BBS2: variants seen among roughly 807,000 people sequenced by gnomAD.
The protein encoded by BBS2 is BBSome complex member BBS2.
Under a neutral mutation model 83.0 loss-of-function variants are expected in BBS2, and 62 were observed. The ratio of observed to expected loss-of-function variants is 0.75; its 90% CI spans 0.61 to 0.92. BBS2 has a LOEUF of 0.92. Among genes scored for constraint, BBS2 ranks in the 40% least tolerant of loss-of-function variants. BBS2 has a pLI of 0.00. For missense variants in BBS2, 784 were observed against 901.0 expected (o/e 0.87, Z 1.66); for synonymous variants, 303 against 326.1 (o/e 0.93, Z 0.76).
chr16:56,471,323 T>C (rs183090315), intron 17 of BBS2, among the ~76,000 whole-genome samples: 3 of 150,738 alleles, frequency 2.0e-5, no homozygotes, highest in Admixed American at 6.6e-5. Context: ...GATTGCACCA[T>C]TGCACTCCAG....
chr16:56,484,868 C>A lies in BBS2; in HGVS notation c.2060-1G>T, dbSNP rs1555520142. 3.7e-6 allele frequency: 6 copies of A among 1,612,616 alleles called. No individual in the cohort carries two copies. Among genetic ancestry groups the A allele is most frequent in the Non-Finnish European group, 4.2e-6 (5 of 1,178,710 alleles). ...ATCACCTGGTTCTTTGGTTTTCCAA[C>A]TGCATAAGAAGAAACATCAGGAACC... On this transcript the variant is annotated splice_acceptor_variant, in intron 16 of 16. Coordinates refer to ENST00000245157, the MANE Select transcript of BBS2 (RefSeq NM_031885.5). LOFTEE classifies it high-confidence loss of function.
chr16:56,517,389 C>T (rs1964781553), intron 1 of BBS2, among the ~76,000 whole-genome samples: 1 of 152,218 alleles, frequency 6.6e-6, no homozygotes, highest in African/African-American at 2.4e-5. Context: ...ACACACCATG[C>T]ATATCTCCAG....
intron 17 of BBS2, among the ~76,000 whole-genome samples, chr16:56,471,686 G>A (rs1596986007): frequency 6.6e-6 from 1 of 152,302 alleles, no homozygotes; most frequent in South Asian, 2.1e-4. Context: ...AAAATCAGTG[G>A]TTTGAGATGC....
At position 56,511,176 on chromosome 16, in the gene BBS2, T is replaced by C. The variant is rs1964566511; in HGVS notation, c.454A>G (p.Ser152Gly). ...CTTCATACCGTCCAAAAGAGATCAC[T>C]TCCTTCATGATTGAAACCTTGCAGA... ...CALQGFNHEG[S>G]DLFWTVTGDN... The change falls in exon 3 of 17, where the codon AGT (serine) becomes GGT (glycine). Residue 152 changes from serine (S) to glycine (G), a missense_variant. Coordinates refer to ENST00000245157, the MANE Select transcript of BBS2 (RefSeq NM_031885.5). 1 of 1,614,124 alleles carries C rather than the reference T, an allele frequency of 6.2e-7. No individual in the cohort carries two copies. The highest frequency in any genetic ancestry group is 2.2e-5 in the East Asian group (1 of 44,860).
At chr16:56,483,866 A>ATTTT (rs559241597), downstream of BBS2, among the ~76,000 whole-genome samples, 341 of 151,600 alleles carry the variant, frequency 2.2e-3, no homozygotes, top group African/African-American at 8.2e-3. Context: ...AACCTGGCTA[A>ATTTT]TTTTTTGTAT....
chr16:56,470,513 AG>A, exon 18 of BBS2: 1 of 1,612,836 alleles, frequency 6.2e-7, no homozygotes, highest in East Asian at 2.2e-5. Context: ...GAGGAGAGTA[AG>A]CTTCCTGAGA....
downstream of BBS2, among the ~76,000 whole-genome samples, chr16:56,479,437 C>T (rs1277578160): frequency 6.6e-6 from 1 of 152,178 alleles, no homozygotes; most frequent in Non-Finnish European, 1.5e-5. Flanking sequence ...GAGATCGCAC[C>T]ACTGCACTCC....
At chr16:56,515,507 A>G (rs1355829591) in intron 1 of BBS2, among the ~76,000 whole-genome samples, 1 of 152,218 alleles carries the variant, frequency 6.6e-6, no homozygotes, top group South Asian at 2.1e-4. Context: ...TGGTCTAAAA[A>G]AGTTCCAAGG....
intron 1 of BBS2, 60 bp downstream of exon 1, chr16:56,519,686 G>T (rs1964862755): frequency 2.9e-6 from 4 of 1,400,428 alleles, no homozygotes; most frequent in Admixed American, 1.7e-5. Context: ...CCAGGGGCGC[G>T]GCCGGCGGAG....
intron 11 of BBS2, chr16:56,500,177 C>A (rs1964226536): frequency 7.4e-6 from 3 of 403,220 alleles, no homozygotes; most frequent in Non-Finnish European, 1.4e-5. Flanking sequence ...TTATCTTCCA[C>A]AAATAGAGCA....
intron 17 of BBS2, chr16:56,477,174 GTTC>G (rs1963520936): frequency 6.6e-6 from 1 of 152,030 alleles, no homozygotes; most frequent in African/African-American, 2.4e-5. Flanking sequence ...GCAGAATTTT[GTTC>G]TTCTCATAAT....
chr16:56,485,587 T>C lies in BBS2; in HGVS notation c.2059+3A>G. On this transcript the variant is annotated splice_donor_region_variant and intron_variant, in intron 16 of 16. Transcript: ENST00000245157. Reference sequence around the variant, plus strand: ...AAGTGCAGTGTTATGAAAAGAGACTTACCCCGCAGACGACCTGCTCTTTGA... The same window carrying C: ...AAGTGCAGTGTTATGAAAAGAGACTCACCCCGCAGACGACCTGCTCTTTGA... 1 of 1,614,084 alleles carries C rather than the reference T, an allele frequency of 6.2e-7. No individual in the cohort carries two copies.
chr16:56,513,953 G>A (rs1485508870), intron 2 of BBS2, among the ~76,000 whole-genome samples: 2 of 152,118 alleles, frequency 1.3e-5, no homozygotes, highest in East Asian at 3.9e-4. Context: ...TAAAAAATCT[G>A]GATTCAAAAA....
At chr16:56,503,068 A>G (rs1964322197) in intron 7 of BBS2, among the ~76,000 whole-genome samples, 1 of 152,180 alleles carries the variant, frequency 6.6e-6, no homozygotes, top group African/African-American at 2.4e-5. Context: ...ACTTGAAGAA[A>G]CGGGTCTGCT....
exon 18 of BBS2, chr16:56,470,592 C>T: frequency 6.2e-7 from 1 of 1,614,148 alleles, no homozygotes; most frequent in Non-Finnish European, 8.5e-7. Context: ...ACTTCACAGG[C>T]CTGAAGCTTC....
chr16:56,502,000 TC>T (rs1197537987), intron 9 of BBS2: 1 of 421,660 alleles, frequency 2.4e-6, no homozygotes, highest in Non-Finnish European at 4.4e-6. Flanking sequence ...AAGTATTCAT[TC>T]TTTGAGCTGC....
In BBS2 at chr16:56,519,732, G is replaced by GT; in HGVS notation, c.117+13dup. ...TCCCTGGGGCCCGGGCTCCCTGCGG[G>GT]TGGGAGCGGTTACCTTGCCCGTTTG... is the stretch of plus-strand genomic sequence containing the variant. On this transcript the variant is annotated intron_variant, in intron 1 of 16. Transcript: ENST00000245157. 1 of 1,595,914 alleles carries GT rather than the reference G, an allele frequency of 6.3e-7. No individual in the cohort carries two copies. The highest frequency in any genetic ancestry group is 8.6e-7 in the Non-Finnish European group (1 of 1,164,742).
At chr16:56,475,100 G>A in intron 17 of BBS2, 2 of 801,290 alleles carry the variant, frequency 2.5e-6, no homozygotes, top group Non-Finnish European at 3.9e-6. Context: ...GATTTTACGG[G>A]TCATGAATTC....
downstream of BBS2, among the ~76,000 whole-genome samples, chr16:56,479,389 G>A (rs1180062935): frequency 6.6e-6 from 1 of 152,132 alleles, no homozygotes; most frequent in Non-Finnish European, 1.5e-5. Flanking sequence ...CAGGAGAATC[G>A]CTTGAACCCA....
Sources: gnomAD v4.1 joint callset for allele counts (sites outside exome capture counted in the v4.1 genomes callset) on GRCh38, gnomAD v4.1.1 for gene constraint, MANE v1.5 for transcripts, NCBI Gene and HGNC (gene_info 2026-07-23, HGNC 2026-07-21) for gene names.